The following FRYL variants were observed in gnomAD, a reference collection of about 807,000 sequenced individuals.
The protein encoded by FRYL is FRY like transcription coactivator.
FRYL carries 150 observed loss-of-function variants against 351.2 expected under a neutral mutation model. That is an observed-to-expected ratio of 0.43 (90% confidence interval 0.37 to 0.49). The LOEUF is 0.49. Among genes scored for constraint, FRYL ranks in the 20% least tolerant of loss-of-function variants. The pLI is 0.00. For synonymous variants in FRYL, 1,153 were observed against 1,257.1 expected, an observed-to-expected ratio of 0.92 and a Z score of 1.75; for missense variants, 3,036 against 3,619.3, an observed-to-expected ratio of 0.84 and a Z score of 4.13.
At chr4:48,733,724 A>G (rs1268110289) in intron 1 of FRYL, among the ~76,000 whole-genome samples, 1 of 152,106 alleles carries the variant, frequency 6.6e-6, no homozygotes, top group Non-Finnish European at 1.5e-5. Context: ...AATGGAGAGG[A>G]GGGAGAAATT....
intron 41 of FRYL, among the ~76,000 whole-genome samples, chr4:48,547,077 T>C (rs1297789488): frequency 6.6e-6 from 1 of 152,168 alleles, no homozygotes; most frequent in African/African-American, 2.4e-5. Flanking sequence ...ATGTTAGTTA[T>C]AGGATATAAG....
At position 48,498,600 on chromosome 4, in the gene FRYL, A is replaced by AG; in HGVS notation, c.*821_*822insC. 6.5e-6 allele frequency: 1 copy of AG among 152,790 alleles called. No individual in the cohort carries two copies. The highest frequency in any genetic ancestry group is 2.4e-5 in the African/African-American group (1 of 41,590). The allele number at this position is 152,790 out of a possible 1,614,324, so 9.5% of individuals were successfully genotyped here. On this transcript the variant is annotated 3_prime_UTR_variant, in exon 64 of 64. Coordinates refer to ENST00000358350, the MANE Select transcript of FRYL (RefSeq NM_015030.2). ...GATCAGAGAACTGAGCAGCATTCCA[A>AG]TAACGTTAACAGATATATTATTTCT...
intron 11 of FRYL, among the ~76,000 whole-genome samples, chr4:48,604,823 T>C (rs760824450): frequency 2.8e-4 from 42 of 152,174 alleles, no homozygotes; most frequent in Non-Finnish European, 4.7e-4. Flanking sequence ...GGCAACACGA[T>C]GATAATGGAC....
chr4:48,539,891 T>C (rs1218424750), intron 47 of FRYL, 80 bp downstream of exon 47: 27 of 1,027,340 alleles, frequency 2.6e-5, no homozygotes, highest in Admixed American at 1.1e-4. Context: ...AAAGGAGTTT[T>C]AAGAGATTTC....
Position 48,515,197 on chromosome 4 carries a change from C to T in FRYL, c.7768G>A (p.Glu2590Lys). 1.2e-6 allele frequency: 2 copies of T among 1,613,724 alleles called. No individual in the cohort carries two copies. The highest frequency in any genetic ancestry group is 4.5e-5 in the East Asian group (2 of 44,864). ...EGSYIIQEQQ[E>K]SLVCQGILDL... ...AGAATTCCTTGACACACAAGAGATT[C>T]CTGCTGTTCTTGAATTATATAGGAT... Residue 2590 changes from glutamate (E) to lysine (K), a missense_variant, in exon 56 of 64, where the codon GAA (glutamate) becomes AAA (lysine). Physicochemically the swap from Glu to Lys is moderately conservative, Grantham distance 56. Transcript: ENST00000358350.
chr4:48,617,223 A>G (rs1749667556), intron 7 of FRYL, among the ~76,000 whole-genome samples: 1 of 152,162 alleles, frequency 6.6e-6, no homozygotes, highest in Admixed American at 6.5e-5. Context: ...TCCAAAGACA[A>G]AGATTAGCTA....
At chr4:48,520,954 A>T in intron 55 of FRYL, 94 bp downstream of exon 55, 1 of 824,458 alleles carries the variant, frequency 1.2e-6, no homozygotes, top group African/African-American at 1.7e-5. Flanking sequence ...GAAACAAATC[A>T]ACTTCAAAAC....
intron 1 of FRYL, among the ~76,000 whole-genome samples, chr4:48,717,851 C>T (rs1328056804): frequency 1.3e-5 from 2 of 151,542 alleles, no homozygotes; most frequent in African/African-American, 2.4e-5. Flanking sequence ...TTAAGTTGTA[C>T]ATTTTCAATT....
At chr4:48,657,428 G>T (rs759992795) in intron 3 of FRYL, among the ~76,000 whole-genome samples, 1 of 141,360 alleles carries the variant, frequency 7.1e-6, no homozygotes, top group Non-Finnish European at 1.5e-5. Context: ...TTTAAATTAC[G>T]CAAAGAACGA....
intron 6 of FRYL, among the ~76,000 whole-genome samples, chr4:48,619,576 C>T (rs537079752): frequency 6.6e-6 from 1 of 152,190 alleles, no homozygotes; most frequent in South Asian, 2.1e-4. Context: ...TGCAATGCTG[C>T]AAACATGGCC....
At chr4:48,515,667 C>T (rs751982658) in intron 55 of FRYL, among the ~76,000 whole-genome samples, 12 of 152,006 alleles carry the variant, frequency 7.9e-5, no homozygotes, top group Non-Finnish European at 1.3e-4. Flanking sequence ...ACACTGCACC[C>T]GGCCACTTTT....
chr4:48,570,979 T>C (rs1738187379), intron 26 of FRYL, 61 bp from the exon 27 acceptor site: 10 of 1,316,370 alleles, frequency 7.6e-6, no homozygotes, highest in Non-Finnish European at 3.3e-6. Context: ...GAAAGAATAA[T>C]GTGACTGCCT....
At position 48,546,096 on chromosome 4, in the gene FRYL, G is replaced by C. The variant is rs1326267032; in HGVS notation, c.5250C>G (p.Val1750=). The C allele has an allele frequency of 6.8e-6, 11 of 1,613,432 alleles. No individual in the cohort carries two copies. Among genetic ancestry groups the C allele is most frequent in the Non-Finnish European group, 9.3e-6 (11 of 1,179,744 alleles). ...VDISVEQDGK[V]KTLMEFITSR... ...AGGTAATGAATTCCATGAGGGTTTT[G>C]ACTTTTCCATCCTGCTCCACTGAGA... The change falls in exon 42 of 64, where the codon GTC becomes GTG. Residue 1750 remains valine (V), a synonymous_variant. Coordinates refer to ENST00000358350, the MANE Select transcript of FRYL (RefSeq NM_015030.2).
chr4:48,502,799 T>C (rs1435497675), intron 61 of FRYL, 29 bp downstream of exon 61: 1 of 1,584,056 alleles, frequency 6.3e-7, no homozygotes, highest in East Asian at 2.3e-5. Context: ...CAAGGGTGAG[T>C]AGTCTATAAA....
intron 35 of FRYL, among the ~76,000 whole-genome samples, chr4:48,555,616 T>C (rs1733907496): frequency 6.6e-6 from 1 of 152,076 alleles, no homozygotes; most frequent in African/African-American, 2.4e-5. Context: ...GAGGAGGGAA[T>C]GCCTGGTGAG....
At chr4:48,750,093 C>A (rs1773085930) in intron 1 of FRYL, among the ~76,000 whole-genome samples, 1 of 149,224 alleles carries the variant, frequency 6.7e-6, no homozygotes, top group Admixed American at 6.7e-5. Context: ...GTGATCATAC[C>A]ACTGCACTCC....
At chr4:48,590,563 T>G in intron 17 of FRYL, 96 bp downstream of exon 17, 3 of 910,088 alleles carry the variant, frequency 3.3e-6, no homozygotes, top group Non-Finnish European at 4.8e-6. Flanking sequence ...AAAAACCATA[T>G]TAGGCAAATT....
rs190026204 is a variant in FRYL at position 48,546,261 on chromosome 4, G to A, written c.5085C>T (p.Asn1695=). The part of the protein sequence containing the change: ...HLDYNFTAGI[N]DFIPDYQPSP... ...AGGGCTGGTAATCAGGTATAAAATC[G>A]TTAATGCCTGCTGAAAGAGAAAGAT... The change falls in exon 42 of 64, where the codon AAC becomes AAT. Residue 1695 remains asparagine (N), a synonymous_variant. Coordinates refer to ENST00000358350, the MANE Select transcript of FRYL (RefSeq NM_015030.2). 2.7e-4 allele frequency: 441 copies of A among 1,612,084 alleles called. 1 individual carries two copies. In the African/African-American group the frequency reaches 4.7e-3, roughly 17 times the overall value.
intron 4 of FRYL, among the ~76,000 whole-genome samples, chr4:48,623,405 C>T (rs1244977096): frequency 1.3e-5 from 2 of 152,148 alleles, no homozygotes; most frequent in Non-Finnish European, 2.9e-5. Context: ...ACTCTCCATA[C>T]CAAAGAAAGT....
Sources: gnomAD v4.1 joint callset for allele counts (sites outside exome capture counted in the v4.1 genomes callset) on GRCh38, gnomAD v4.1.1 for gene constraint, MANE v1.5 for transcripts, NCBI Gene and HGNC (gene_info 2026-07-23, HGNC 2026-07-21) for gene names.